The following ANKRD11 variants were observed in gnomAD, a reference collection of about 807,000 sequenced individuals.
ANKRD11 encodes ankyrin repeat domain-containing protein 11.
Under a neutral mutation model 195.7 loss-of-function variants are expected in ANKRD11, and 17 were observed. The observed-to-expected ratio is 0.09, with a 90% CI of 0.06 to 0.13. ANKRD11 has a LOEUF of 0.13. ANKRD11 is among the 10% of genes least tolerant of loss of function. ANKRD11 has a pLI of 1.00. For synonymous variants in ANKRD11, 1,953 were observed against 1,528.1 expected (o/e 1.28, Z -6.49); for missense variants, 3,735 against 3,566.1 (o/e 1.05, Z -1.21).
At chr16:89,346,242 C>A (rs1160582344) in intron 2 of ANKRD11, among the ~76,000 whole-genome samples, 2 of 131,216 alleles carry the variant, frequency 1.5e-5, no homozygotes, top group Non-Finnish European at 3.2e-5. Flanking sequence ...AGGGAGACCC[C>A]GTCTCAGGAA....
chr16:89,356,772 C>T (rs1258350010), intron 2 of ANKRD11, among the ~76,000 whole-genome samples: 4 of 132,104 alleles, frequency 3.0e-5, no homozygotes, highest in African/African-American at 5.8e-5. Flanking sequence ...CACAGCAAGA[C>T]TCCGTCTCAA....
chr16:89,315,219 G>A (rs2036877023), intron 3 of ANKRD11, among the ~76,000 whole-genome samples: 1 of 152,162 alleles, frequency 6.6e-6, no homozygotes, highest in Non-Finnish European at 1.5e-5. Flanking sequence ...GAGGATGGGG[G>A]CGAGGCCTGA....
chr16:89,275,335 A>T, intron 9 of ANKRD11, 144 bp from the exon 10 acceptor site: 1 of 670,048 alleles, frequency 1.5e-6, no homozygotes, highest in Non-Finnish European at 2.6e-6. Context: ...CCAGCAACAG[A>T]CACACCAGGA....
At chr16:89,313,571 A>G (rs1458818645) in intron 3 of ANKRD11, 1 of 1,289,204 alleles carries the variant, frequency 7.8e-7, no homozygotes. Flanking sequence ...CACTGAGATC[A>G]CGATTCTTTT....
chr16:89,483,088 C>T (rs1183939984), intron 1 of ANKRD11, among the ~76,000 whole-genome samples: 1 of 152,222 alleles, frequency 6.6e-6, no homozygotes, highest in Non-Finnish European at 1.5e-5. Flanking sequence ...CCCAGCACTT[C>T]TCCAACGCCC....
Position 89,375,212 on chromosome 16 carries a change from C to T in ANKRD11, c.-60+43072G>A, listed in dbSNP as rs536886937. On this transcript the variant is annotated intron_variant, in intron 2 of 12. Transcript: ENST00000301030. Reference sequence around the variant, plus strand: ...CGGTGAGCTCAAGTGTGTCGGTATCCGCTTAAAACACCGTGTGACACTAAT... The same window carrying T: ...CGGTGAGCTCAAGTGTGTCGGTATCTGCTTAAAACACCGTGTGACACTAAT... 5.9e-5 allele frequency among the ~76,000 whole-genome samples: 9 copies of T among 152,206 alleles called. No individual in the cohort carries two copies. The South Asian group carries it at 1.2e-3, about 21-fold the overall frequency.
intron 1 of ANKRD11, among the ~76,000 whole-genome samples, chr16:89,477,448 T>G (rs976549762): frequency 1.3e-5 from 2 of 151,912 alleles, no homozygotes; most frequent in Non-Finnish European, 2.9e-5. Context: ...CTCCACCTCC[T>G]GGGTTCAACC....
At chr16:89,276,436 T>C (rs1783219010) in intron 9 of ANKRD11, among the ~76,000 whole-genome samples, 1 of 152,292 alleles carries the variant, frequency 6.6e-6, no homozygotes, top group Non-Finnish European at 1.5e-5. Context: ...CTTCAACTCA[T>C]GGTGGACGGG....
rs1383811691 is a variant in ANKRD11, at chr16:89,313,499, C to A, written c.87+3434G>T. The A allele has an allele frequency of 7.0e-6, 9 of 1,289,232 alleles. No homozygotes were observed. In the Admixed American group the frequency reaches 2.1e-4, roughly 30 times the overall value. The allele number at this position is 1,289,232 out of a possible 1,614,324, so 79.9% of individuals were successfully genotyped here. On this transcript the variant is annotated intron_variant, in intron 3 of 12. Transcript: ENST00000301030. ...AAGGGACACGCACAAGCCGTCAGGTCAGCGCGGCATCAGGATGCACTGCAG... is the reference window on the plus strand; with the variant it reads ...AAGGGACACGCACAAGCCGTCAGGTAAGCGCGGCATCAGGATGCACTGCAG...
intron 1 of ANKRD11, among the ~76,000 whole-genome samples, chr16:89,454,312 G>A (rs1425534190): frequency 6.6e-6 from 1 of 152,074 alleles, no homozygotes; most frequent in Non-Finnish European, 1.5e-5. Flanking sequence ...AGCACCTGAG[G>A]CCTACGCTGA....
intron 4 of ANKRD11, among the ~76,000 whole-genome samples, chr16:89,296,262 G>A (rs1022596181): frequency 6.6e-6 from 1 of 151,984 alleles, no homozygotes; most frequent in South Asian, 2.1e-4. Flanking sequence ...TTGAATTTGA[G>A]GCTTGTGTTT....
At chr16:89,278,833 G>A (rs2033900328) in intron 9 of ANKRD11, 1 of 709,772 alleles carries the variant, frequency 1.4e-6, no homozygotes, top group Non-Finnish European at 2.5e-6. Context: ...GGGGAGGTCA[G>A]GAGACCGAGG....
At chr16:89,334,434 T>C (rs1043347573) in intron 2 of ANKRD11, among the ~76,000 whole-genome samples, 1 of 152,142 alleles carries the variant, frequency 6.6e-6, no homozygotes, top group Non-Finnish European at 1.5e-5. Flanking sequence ...TGCCATTCTC[T>C]GAGGAGTCCT....
At chr16:89,396,270 G>A (rs4785665) in intron 2 of ANKRD11, among the ~76,000 whole-genome samples, 3,176 of 152,286 alleles carry the variant, frequency 0.021, 74 homozygotes, top group East Asian at 0.11. Context: ...AGATGCACAC[G>A]AGTCCCGGGC....
Position 89,272,893 on chromosome 16 carries a change from A to G in ANKRD11, c.7713+1921T>C, listed in dbSNP as rs1411903534. On this transcript the variant is annotated intron_variant, in intron 11 of 12. Coordinates refer to ENST00000301030, the MANE Select transcript of ANKRD11 (RefSeq NM_013275.6). ...GGTCATGATGTTAAGTGAAATAAGC[A>G]TACAAAGACAAACATCACATGTTCT... 2.0e-5 allele frequency: 3 copies of G among 152,322 alleles called. No homozygotes were observed. In the East Asian group the frequency reaches 5.8e-4, roughly 29 times the overall value. The allele number at this position is 152,322 out of a possible 1,614,324, so 9.4% of individuals were successfully genotyped here. A position where few individuals can be genotyped will look rare whatever the true frequency, so the allele number is the denominator to read the frequency against.
chr16:89,435,099 G>A (rs888201484), intron 1 of ANKRD11, among the ~76,000 whole-genome samples: 1 of 152,168 alleles, frequency 6.6e-6, no homozygotes, highest in Non-Finnish European at 1.5e-5. Flanking sequence ...GTCTGTAAAT[G>A]CACCAATCAG....
chr16:89,375,906 A>G (rs1432512861), intron 2 of ANKRD11, among the ~76,000 whole-genome samples: 2 of 152,210 alleles, frequency 1.3e-5, no homozygotes, highest in Non-Finnish European at 2.9e-5. Flanking sequence ...CCCAAGAAGC[A>G]GAGCTCCCAG....
chr16:89,472,918 A>G (rs2057136224), intron 1 of ANKRD11, among the ~76,000 whole-genome samples: 1 of 152,184 alleles, frequency 6.6e-6, no homozygotes, highest in Non-Finnish European at 1.5e-5. Flanking sequence ...GGCCAGACAT[A>G]GTGGCTCATG....
At chr16:89,363,417 T>C (rs2039814747) in intron 2 of ANKRD11, among the ~76,000 whole-genome samples, 1 of 151,832 alleles carries the variant, frequency 6.6e-6, no homozygotes, top group African/African-American at 2.4e-5. Flanking sequence ...ATGGCACATG[T>C]ATACATATGT....
Sources: gnomAD v4.1 joint callset for allele counts (sites outside exome capture counted in the v4.1 genomes callset) on GRCh38, gnomAD v4.1.1 for gene constraint, MANE v1.5 for transcripts, NCBI Gene and HGNC (gene_info 2026-07-23, HGNC 2026-07-21) for gene names.